C1orf87: variants seen among roughly 807,000 people sequenced by gnomAD.
The protein encoded by C1orf87 is chromosome 1 open reading frame 87, also known as uncharacterized protein C1orf87.
In C1orf87, 58 loss-of-function variants were observed where a neutral mutation model predicts 60.5. The observed-to-expected ratio is 0.96, with a 90% CI of 0.78 to 1.19. C1orf87 has a LOEUF of 1.19. Ranked by LOEUF, C1orf87 falls within the 50% of genes most tolerant of loss-of-function variation. The pLI, the probability that C1orf87 is intolerant of heterozygous loss-of-function variation, is 0.00. For synonymous variants in C1orf87, 236 were observed against 227.4 expected (o/e 1.04, Z -0.34); for missense variants, 673 against 638.6 (o/e 1.05, Z -0.58).
intron 2 of C1orf87, among the ~76,000 whole-genome samples, chr1:60,066,759 GGT>G (rs1415216025): frequency 6.6e-6 from 1 of 151,862 alleles, no homozygotes; most frequent in Admixed American, 6.6e-5. Context: ...CACATGCCAT[GGT>G]GGTTTGCTGC....
At chr1:60,047,966 A>G (rs193201191) in intron 3 of C1orf87, among the ~76,000 whole-genome samples, 7 of 152,256 alleles carry the variant, frequency 4.6e-5, no homozygotes, top group Admixed American at 1.3e-4. Context: ...CAATTAATAT[A>G]TAGTTAGGTT....
At chr1:60,046,384 T>C (rs1645370796) in intron 3 of C1orf87, among the ~76,000 whole-genome samples, 1 of 140,620 alleles carries the variant, frequency 7.1e-6, no homozygotes, top group African/African-American at 2.6e-5. Context: ...TTTTCTTTCT[T>C]TCTTTCTCTC....
intron 2 of C1orf87, among the ~76,000 whole-genome samples, chr1:60,067,311 T>C (rs1645553421): frequency 1.3e-5 from 2 of 152,190 alleles, no homozygotes; most frequent in South Asian, 4.1e-4. Context: ...TTTCTCTACA[T>C]CTTCACCAGC....
chr1:60,065,029 A>ATATATATATTATAT (rs1491291377), intron 2 of C1orf87, among the ~76,000 whole-genome samples: 1 of 116,196 alleles, frequency 8.6e-6, no homozygotes, highest in African/African-American at 3.4e-5. Context: ...ATATATATTT[A>ATATATATATTATAT]ATATATATAT....
At chr1:60,049,486 T>C (rs1379450269) in intron 3 of C1orf87, among the ~76,000 whole-genome samples, 2 of 152,108 alleles carry the variant, frequency 1.3e-5, no homozygotes, top group Non-Finnish European at 2.9e-5. Flanking sequence ...GAATATTCTA[T>C]AGATGAGAGA....
At chr1:60,045,547 C>T (rs1189973380) in intron 3 of C1orf87, among the ~76,000 whole-genome samples, 2 of 152,180 alleles carry the variant, frequency 1.3e-5, no homozygotes, top group African/African-American at 2.4e-5. Context: ...TGCTCATCAC[C>T]AGGCTTCAGT....
chr1:60,030,583 T>G (rs1645230987), intron 7 of C1orf87, among the ~76,000 whole-genome samples: 1 of 152,154 alleles, frequency 6.6e-6, no homozygotes, highest in African/African-American at 2.4e-5. Context: ...TTGGGAGCAA[T>G]TTGGGAGGGG....
At chr1:60,022,229 G>A (rs1645168752) in intron 8 of C1orf87, among the ~76,000 whole-genome samples, 2 of 151,756 alleles carry the variant, frequency 1.3e-5, no homozygotes, top group Non-Finnish European at 2.9e-5. Context: ...TGGGAGTGAG[G>A]ATAAACTAGG....
intron 8 of C1orf87, among the ~76,000 whole-genome samples, chr1:60,014,395 G>T (rs1366089076): frequency 6.6e-6 from 1 of 152,116 alleles, no homozygotes; most frequent in East Asian, 1.9e-4. Flanking sequence ...AGTTAGTGAA[G>T]ATTTCTTTTG....
intron 10 of C1orf87, among the ~76,000 whole-genome samples, chr1:59,998,721 A>G (rs1161412042): frequency 6.6e-6 from 1 of 152,110 alleles, no homozygotes; most frequent in Non-Finnish European, 1.5e-5. Flanking sequence ...AATGGAGGTG[A>G]TTATGTGTGA....
chr1:60,065,672 A>G (rs970508957), intron 2 of C1orf87, among the ~76,000 whole-genome samples: 5 of 152,162 alleles, frequency 3.3e-5, no homozygotes, highest in Admixed American at 1.3e-4. Flanking sequence ...AATTCCATAT[A>G]TACATTAATT....
intron 7 of C1orf87, among the ~76,000 whole-genome samples, chr1:60,029,076 A>G (rs938140067): frequency 6.6e-6 from 1 of 152,160 alleles, no homozygotes; most frequent in African/African-American, 2.4e-5. Context: ...AACTGAACTC[A>G]TCACTCCTTC....
At chr1:60,070,498 A>G (rs116435093) in intron 2 of C1orf87, among the ~76,000 whole-genome samples, 1,890 of 152,310 alleles carry the variant, frequency 0.012, 53 homozygotes, top group African/African-American at 0.044. Flanking sequence ...AGCATGAATG[A>G]CATGATAGTG....
chr1:60,065,948 G>T (rs775330845), intron 2 of C1orf87, among the ~76,000 whole-genome samples: 4 of 151,902 alleles, frequency 2.6e-5, no homozygotes, highest in Non-Finnish European at 5.9e-5. Flanking sequence ...TTGGTTTCAT[G>T]GTGCACATAA....
intron 7 of C1orf87, among the ~76,000 whole-genome samples, chr1:60,027,071 C>T (rs1172766265): frequency 6.6e-6 from 1 of 152,118 alleles, no homozygotes; most frequent in African/African-American, 2.4e-5. Context: ...AGATACTTGA[C>T]CTGTATTTTT....
At chr1:60,010,708 A>C (rs1015584460) in intron 8 of C1orf87, 3 of 321,378 alleles carry the variant, frequency 9.3e-6, no homozygotes, top group Non-Finnish European at 1.7e-5. Context: ...GATGTGGTCC[A>C]GAGATCAGGG....
chr1:60,057,545 T>C (rs1339607283), intron 2 of C1orf87, among the ~76,000 whole-genome samples: 1 of 152,148 alleles, frequency 6.6e-6, no homozygotes, highest in Non-Finnish European at 1.5e-5. Flanking sequence ...GAGGATATCA[T>C]TGATGATATA....
chr1:60,053,963 G>A lies in C1orf87; in HGVS notation c.342+1241C>T, dbSNP rs1415849351. Among the ~76,000 whole-genome samples the A allele has an allele frequency of 3.3e-5, 5 of 152,166 alleles. No homozygotes were observed. The South Asian group carries it at 6.2e-4, about 19-fold the overall frequency. ...AAGAGTAAATAATAAAATTTACCTC[G>A]AAGCAATCAGTCAATAATAACGTCT... On this transcript the variant is annotated intron_variant, in intron 3 of 11. Coordinates refer to ENST00000371201, the MANE Select transcript of C1orf87 (RefSeq NM_152377.3).
chr1:59,998,117 T>C (rs1208364533), intron 10 of C1orf87, among the ~76,000 whole-genome samples: 2 of 152,208 alleles, frequency 1.3e-5, no homozygotes, highest in Non-Finnish European at 1.5e-5. Flanking sequence ...TTCATGATGT[T>C]CTACTCTGTT....
Sources: gnomAD v4.1 joint callset for allele counts (sites outside exome capture counted in the v4.1 genomes callset) on GRCh38, gnomAD v4.1.1 for gene constraint, MANE v1.5 for transcripts, NCBI Gene and HGNC (gene_info 2026-07-23, HGNC 2026-07-21) for gene names.